The following FBRSL1 variants were observed in gnomAD, a reference collection of about 807,000 sequenced individuals.
FBRSL1 encodes the protein fibrosin like 1.
FBRSL1 carries 51 observed loss-of-function variants against 89.6 expected under a neutral mutation model. That is an observed-to-expected ratio of 0.57 (90% CI 0.45 to 0.72). The LOEUF is 0.72. Ranked by LOEUF, FBRSL1 falls within the 30% of genes least tolerant of loss-of-function variation. FBRSL1 has a pLI of 0.00. For missense variants in FBRSL1, 1,618 were observed against 1,451.8 expected (o/e 1.11, Z -1.86); for synonymous variants, 779 against 681.1 (o/e 1.14, Z -2.24).
At chr12:132,512,950 C>T (rs903023904) in intron 2 of FBRSL1, among the ~76,000 whole-genome samples, 5 of 152,194 alleles carry the variant, frequency 3.3e-5, no homozygotes, top group Admixed American at 6.5e-5. Flanking sequence ...GGCTTGCGGT[C>T]GGGGTGCCGC....
At chr12:132,507,489 T>C in intron 1 of FBRSL1, 1 of 926,604 alleles carries the variant, frequency 1.1e-6, no homozygotes, top group Non-Finnish European at 1.3e-6. Context: ...CCTGGGGCTG[T>C]CCGCAGGCTA....
chr12:132,543,798 C>G (rs2037459236), intron 4 of FBRSL1, among the ~76,000 whole-genome samples: 1 of 152,252 alleles, frequency 6.6e-6, no homozygotes, highest in Non-Finnish European at 1.5e-5. Flanking sequence ...GGAAGCCACT[C>G]TCACGGAGGA....
In FBRSL1 at chr12:132,528,509, G is replaced by A. The variant is rs547408866; in HGVS notation, c.615+521G>A. On this transcript the variant is annotated intron_variant, in intron 4 of 18. Transcript: ENST00000680143. ...GCAACACCCAGGGAGCCAGCACCCC[G>A]TGGCGGGCAGGGGGAAGGAGACCTG... is the stretch of plus-strand genomic sequence containing the variant. Among the ~76,000 whole-genome samples, 9 of 152,252 alleles carry A rather than the reference G, an allele frequency of 5.9e-5. No individual in the cohort carries two copies. The East Asian group carries it at 9.7e-4, about 16-fold the overall frequency.
intron 4 of FBRSL1, among the ~76,000 whole-genome samples, chr12:132,530,408 C>G (rs181500278): frequency 2.0e-5 from 3 of 152,054 alleles, no homozygotes; most frequent in African/African-American, 7.2e-5. Context: ...GGACTCCTGT[C>G]GGCTCACTGT....
At chr12:132,492,214 G>A (rs573692273) in intron 1 of FBRSL1, among the ~76,000 whole-genome samples, 2 of 152,184 alleles carry the variant, frequency 1.3e-5, no homozygotes, top group South Asian at 2.1e-4. Context: ...CCCTAACCGC[G>A]GCTTCCTCAC....
chr12:132,496,537 T>G (rs1456556783), intron 1 of FBRSL1, among the ~76,000 whole-genome samples: 1 of 152,222 alleles, frequency 6.6e-6, no homozygotes, highest in East Asian at 1.9e-4. Flanking sequence ...CTTTGTTGGA[T>G]TCCCTCCTCA....
chr12:132,570,234 G>A lies in FBRSL1; in HGVS notation c.1000G>A (p.Gly334Ser), dbSNP rs1001599306. ...CCAGGCGGCAGCCAACGGCCTGCACGGCCTCAGGTGGGGTCCCCGCGGGGG... is the reference window on the plus strand; with the variant it reads ...CCAGGCGGCAGCCAACGGCCTGCACAGCCTCAGGTGGGGTCCCCGCGGGGG... ...HSQAAANGLH[G>S]LSRSSSAPLG... Residue 334 changes from glycine to serine, a missense_variant, in exon 7 of 19, where the codon GGC becomes AGC. Gly to Ser is a moderately conservative substitution (Grantham distance 56). Coordinates refer to ENST00000680143, the MANE Select transcript of FBRSL1 (RefSeq NM_001367871.1). The A allele has an allele frequency of 5.8e-5, 87 of 1,490,764 alleles. No homozygotes were observed. The Admixed American group carries it at 8.1e-4, about 14-fold the overall frequency. The allele number at this position is 1,490,764 out of a possible 1,614,324, so 92.3% of individuals were successfully genotyped here. A position where few individuals can be genotyped will look rare whatever the true frequency, so the allele number is the denominator to read the frequency against.
Position 132,576,838 on chromosome 12 carries a change from A to C in FBRSL1, c.1741A>C (p.Lys581Gln), listed in dbSNP as rs1210842896. 3.5e-5 allele frequency: 55 copies of C among 1,550,780 alleles called. 1 individual carries two copies. Among genetic ancestry groups the C allele is most frequent in the Non-Finnish European group, 6.1e-6 (7 of 1,146,902 alleles). Residue 581 changes from lysine to glutamine, a missense_variant, in exon 15 of 19, where the codon AAG (lysine) becomes CAG (glutamine). Coordinates refer to ENST00000680143, the MANE Select transcript of FBRSL1 (RefSeq NM_001367871.1). ...LDPHKLEVGA[K>Q]LDLFGRPPAP... Reference sequence around the variant, plus strand: ...CCCCCACAAGCTGGAGGTGGGTGCAAAGCTGGACCTGTTCGGCAGACCCCC... The same window carrying C: ...CCCCCACAAGCTGGAGGTGGGTGCACAGCTGGACCTGTTCGGCAGACCCCC...
In FBRSL1 at chr12:132,583,057, C is replaced by T. The variant is rs1269031561; in HGVS notation, c.2288C>T (p.Ala763Val). 3 of 1,447,944 alleles carry T rather than the reference C, an allele frequency of 2.1e-6. No homozygotes were observed. Among genetic ancestry groups the T allele is most frequent in the South Asian group, 2.7e-5 (2 of 74,888 alleles). 89.7% of individuals were successfully genotyped at this position (1,447,944 alleles called of 1,614,324 possible). A position where few individuals can be genotyped will look rare whatever the true frequency, so the allele number is the denominator to read the frequency against. The change falls in exon 19 of 19, where the codon GCC becomes GTC. Residue 763 changes from alanine to valine, a missense_variant. By Grantham distance (64) the Ala-to-Val change is moderately conservative. Transcript: ENST00000680143. ...CCCGTCAGCGGCCTCCTGCTCCGGG[C>T]CCAGAGCGAGCTGGGCCGGTCCGGG... ...GHPVSGLLLR[A>V]QSELGRSGAP...
chr12:132,520,840 A>G (rs2035291204), intron 2 of FBRSL1, among the ~76,000 whole-genome samples: 1 of 152,186 alleles, frequency 6.6e-6, no homozygotes, highest in South Asian at 2.1e-4. Flanking sequence ...GGAGAGAGGT[A>G]CCACCCACCC....
rs1319443723 is a variant in FBRSL1, at chr12:132,570,137, G to A, written c.903G>A (p.Pro301=). ...PPAPHRHTPQ[P]PPPQPRGLLP... ...CCCCGCACCGCCACACCCCGCAGCC[G>A]CCACCCCCGCAGCCCCGCGGCCTGC... The change falls in exon 7 of 19, where the codon CCG becomes CCA. Residue 301 remains proline (P), a synonymous_variant. Coordinates refer to ENST00000680143, the MANE Select transcript of FBRSL1 (RefSeq NM_001367871.1). 14 of 1,473,518 alleles carry A rather than the reference G, an allele frequency of 9.5e-6. No individual in the cohort carries two copies. The highest frequency in any genetic ancestry group is 2.0e-4 in the Middle Eastern group (1 of 5,016). 91.3% of individuals were successfully genotyped at this position (1,473,518 alleles called of 1,614,324 possible). A position where few individuals can be genotyped will look rare whatever the true frequency, so the allele number is the denominator to read the frequency against.
intron 15 of FBRSL1, chr12:132,580,793 C>T: frequency 1.0e-6 from 1 of 985,438 alleles, no homozygotes. Flanking sequence ...TGGTCTTTAC[C>T]AGAAACCTGC....
chr12:132,500,492 C>T (rs930704827), intron 1 of FBRSL1, among the ~76,000 whole-genome samples: 1 of 152,152 alleles, frequency 6.6e-6, no homozygotes, highest in African/African-American at 2.4e-5. Context: ...TCCTCTGTCC[C>T]CCATAGGGCC....
At position 132,528,004 on chromosome 12, in the gene FBRSL1, C is replaced by T. The variant is rs536960550; in HGVS notation, c.615+16C>T. ...AGGCTACTCTGTAAGTCTCCCAGCA[C>T]CCCTCCTCCATCTTTGTCCCCCTGG... On this transcript the variant is annotated intron_variant, in intron 4 of 18. Transcript: ENST00000680143. 3.9e-6 allele frequency: 6 copies of T among 1,550,958 alleles called. No individual in the cohort carries two copies. Among genetic ancestry groups the T allele is most frequent in the South Asian group, 3.6e-5 (3 of 84,046 alleles).
At chr12:132,531,695 ACGTGGCG>A (rs2036304318) in intron 4 of FBRSL1, among the ~76,000 whole-genome samples, 1 of 152,124 alleles carries the variant, frequency 6.6e-6, no homozygotes, top group Non-Finnish European at 1.5e-5. Context: ...TGTGTTGTGC[ACGTGGCG>A]TTGCGTGTTG....
At chr12:132,568,701 G>A (rs1324337535) in intron 6 of FBRSL1, among the ~76,000 whole-genome samples, 13 of 152,232 alleles carry the variant, frequency 8.5e-5, no homozygotes, top group Admixed American at 7.8e-4. Context: ...AGATGTGGGA[G>A]AGAGGAGGAG....
intron 1 of FBRSL1, among the ~76,000 whole-genome samples, chr12:132,503,777 C>G (rs1404748854): frequency 6.6e-6 from 1 of 152,214 alleles, no homozygotes; most frequent in Non-Finnish European, 1.5e-5. Flanking sequence ...TGCACACAGA[C>G]TGAACACAGT....
intron 4 of FBRSL1, among the ~76,000 whole-genome samples, chr12:132,536,556 T>C (rs1174130086): frequency 6.6e-6 from 1 of 150,460 alleles, no homozygotes; most frequent in African/African-American, 2.5e-5. Flanking sequence ...TACATGACAG[T>C]GTGTGTGCCA....
At chr12:132,558,052 G>C (rs926762823) in intron 5 of FBRSL1, among the ~76,000 whole-genome samples, 1 of 129,962 alleles carries the variant, frequency 7.7e-6, no homozygotes. Flanking sequence ...TTCCCTCTCT[G>C]TGGGCCTCAC....
Sources: gnomAD v4.1 joint callset for allele counts (sites outside exome capture counted in the v4.1 genomes callset) on GRCh38, gnomAD v4.1.1 for gene constraint, MANE v1.5 for transcripts, NCBI Gene and HGNC (gene_info 2026-07-23, HGNC 2026-07-21) for gene names.